RBMS3: variants seen among roughly 807,000 people sequenced by gnomAD.
RBMS3 encodes RNA-binding motif, single-stranded-interacting protein 3.
Under a neutral mutation model 66.8 loss-of-function variants are expected in RBMS3, and 27 were observed. That is an observed-to-expected ratio of 0.40 (90% CI 0.30 to 0.56). The LOEUF (loss-of-function observed/expected upper bound fraction) is 0.56. Among genes scored for constraint, RBMS3 ranks in the 20% least tolerant of loss-of-function variants. The pLI is 0.40. For synonymous variants in RBMS3, 188 were observed against 183.0 expected (o/e 1.03, Z -0.22); for missense variants, 513 against 549.5 (o/e 0.93, Z 0.66).
rs544755804 is a variant in RBMS3, at chr3:29,325,911, G to A, written c.75+44155G>A. Among the ~76,000 whole-genome samples the A allele has an allele frequency of 4.6e-5, 7 of 152,136 alleles. No individual in the cohort carries two copies. In the East Asian group the frequency reaches 1.4e-3, roughly 29 times the overall value. On this transcript the variant is annotated intron_variant, in intron 1 of 14. Transcript: ENST00000383767. ...CTCTTTAACTTCATTCTTCTCCTGT[G>A]CTATAGAAACTTTTGGAGTCATATT...
At position 29,368,005 on chromosome 3, in the gene RBMS3, T is replaced by G. The variant is rs138360983; in HGVS notation, c.76-66738T>G. 1.9e-3 allele frequency among the ~76,000 whole-genome samples: 291 copies of G among 152,300 alleles called. 3 individuals are homozygous for G. Among genetic ancestry groups the G allele is most frequent in the African/African-American group, 6.6e-3 (274 of 41,578 alleles). On this transcript the variant is annotated intron_variant, in intron 1 of 14. Transcript: ENST00000383767. ...AAGGGAAACATTGCTACATCTTTCT[T>G]TTATACATACAGACCAGTTTGCACA...
chr3:29,578,329 A>G (rs990029394), intron 3 of RBMS3, among the ~76,000 whole-genome samples: 2 of 152,098 alleles, frequency 1.3e-5, no homozygotes, highest in South Asian at 2.1e-4. Context: ...TACCGTGTAC[A>G]TTTGTTACTC....
intron 1 of RBMS3, among the ~76,000 whole-genome samples, chr3:29,323,259 A>T (rs1376032016): frequency 6.8e-6 from 1 of 147,918 alleles, no homozygotes; most frequent in African/African-American, 2.5e-5. Context: ...TTTTTGAAGT[A>T]ACATCAGGTA....
At chr3:29,528,718 T>A (rs115418997) in intron 3 of RBMS3, among the ~76,000 whole-genome samples, 7,890 of 152,156 alleles carry the variant, frequency 0.052, 350 homozygotes, top group African/African-American at 0.12. Context: ...ATCTGAAAAA[T>A]TTAAAAATTG....
chr3:29,488,786 T>C (rs2043419068), intron 3 of RBMS3, among the ~76,000 whole-genome samples: 1 of 152,238 alleles, frequency 6.6e-6, no homozygotes, highest in Non-Finnish European at 1.5e-5. Flanking sequence ...ATGTGAATGA[T>C]ATCATCAGTG....
intron 14 of RBMS3, among the ~76,000 whole-genome samples, chr3:29,992,155 T>A (rs1698917963): frequency 6.6e-6 from 1 of 152,238 alleles, no homozygotes; most frequent in African/African-American, 2.4e-5. Context: ...ATCCTGCCTG[T>A]CTACAGAGTG....
intron 4 of RBMS3, among the ~76,000 whole-genome samples, chr3:29,589,815 G>A (rs1482481046): frequency 3.3e-5 from 5 of 152,016 alleles, no homozygotes; most frequent in African/African-American, 1.2e-4. Flanking sequence ...TACTATGCAG[G>A]TTGTGGTGTC....
intron 2 of RBMS3, among the ~76,000 whole-genome samples, chr3:29,472,992 G>GATACAGAGTGTCC (rs2042795788): frequency 2.8e-5 from 3 of 106,256 alleles, no homozygotes; most frequent in Admixed American, 1.1e-4. Context: ...CCCTGAGCTA[G>GATACAGAGTGTCC]ACACAAAGGT....
chr3:29,661,588 T>A (rs1473536593), intron 4 of RBMS3, among the ~76,000 whole-genome samples: 1 of 152,162 alleles, frequency 6.6e-6, no homozygotes, highest in Non-Finnish European at 1.5e-5. Context: ...CTTTTAACTA[T>A]GTATAATCCT....
intron 6 of RBMS3, among the ~76,000 whole-genome samples, chr3:29,839,674 T>C (rs893289696): frequency 9.9e-5 from 15 of 151,714 alleles, no homozygotes; most frequent in African/African-American, 3.6e-4. Flanking sequence ...CATTTTTACT[T>C]TATAAATGAC....
At chr3:29,738,396 A>G (rs967912422) in intron 4 of RBMS3, among the ~76,000 whole-genome samples, 5 of 152,196 alleles carry the variant, frequency 3.3e-5, no homozygotes, top group African/African-American at 1.2e-4. Flanking sequence ...TTTGATATTA[A>G]TGACTAATCT....
chr3:29,670,804 T>TG (rs1218441778), intron 4 of RBMS3, among the ~76,000 whole-genome samples: 1 of 152,132 alleles, frequency 6.6e-6, no homozygotes, highest in Non-Finnish European at 1.5e-5. Context: ...TGCCTGCCTT[T>TG]GTAGACTCCA....
chr3:29,466,182 C>T (rs1379205407), intron 2 of RBMS3, among the ~76,000 whole-genome samples: 1 of 151,964 alleles, frequency 6.6e-6, no homozygotes, highest in African/African-American at 2.4e-5. Flanking sequence ...ATAGTCATTT[C>T]TGCACACCAA....
At position 30,007,698 on chromosome 3, in the gene RBMS3, T is replaced by C. The variant is rs974326919; in HGVS notation, c.*3836T>C. On this transcript the variant is annotated 3_prime_UTR_variant, in exon 15 of 15. Coordinates refer to ENST00000383767, the MANE Select transcript of RBMS3 (RefSeq NM_001003793.3). The stretch of plus-strand genomic sequence containing the variant: ...GTTTGTCCTTGAATGCTGACATGTC[T>C]TGAATATTGCAAATGTCATAATACT... The C allele has an allele frequency of 1.3e-5, 2 of 152,078 alleles. No individual in the cohort carries two copies. The highest frequency in any genetic ancestry group is 6.6e-5 in the Admixed American group (1 of 15,242). The allele number at this position is 152,078 out of a possible 1,614,324, so 9.4% of individuals were successfully genotyped here. A position where few individuals can be genotyped will look rare whatever the true frequency, so the allele number is the denominator to read the frequency against.
intron 8 of RBMS3, among the ~76,000 whole-genome samples, chr3:29,888,219 C>A (rs954975943): frequency 2.0e-5 from 3 of 151,622 alleles, no homozygotes; most frequent in African/African-American, 4.8e-5. Context: ...TAGACATTTA[C>A]AACAATGAAT....
intron 12 of RBMS3, among the ~76,000 whole-genome samples, chr3:29,961,515 A>G (rs928362556): frequency 3.9e-5 from 6 of 152,130 alleles, no homozygotes; most frequent in Non-Finnish European, 7.4e-5. Flanking sequence ...GTCTGTTCTC[A>G]TGCTGCTATG....
chr3:29,682,067 A>G (rs2051520144), intron 4 of RBMS3, among the ~76,000 whole-genome samples: 2 of 152,208 alleles, frequency 1.3e-5, no homozygotes, highest in African/African-American at 2.4e-5. Flanking sequence ...GTGAGATAGC[A>G]TCTCAATGGA....
At chr3:29,836,892 A>G (rs2058523512) in intron 6 of RBMS3, among the ~76,000 whole-genome samples, 1 of 151,798 alleles carries the variant, frequency 6.6e-6, no homozygotes, top group Non-Finnish European at 1.5e-5. Context: ...GAAAACCTCT[A>G]ATGTTTAACT....
chr3:29,407,400 C>T (rs1430978080), intron 1 of RBMS3, among the ~76,000 whole-genome samples: 1 of 152,134 alleles, frequency 6.6e-6, no homozygotes, highest in Non-Finnish European at 1.5e-5. Context: ...CATTTCTTAC[C>T]GCTGCATTCT....
Sources: allele counts gnomAD v4.1 joint callset (sites outside exome capture counted in the v4.1 genomes callset), GRCh38; gene constraint gnomAD v4.1.1; transcripts MANE v1.5; gene names NCBI Gene and HGNC (gene_info 2026-07-23, HGNC 2026-07-21).